Variants in PVALB observed in about 807,000 individuals in gnomAD.
The protein encoded by PVALB is parvalbumin alpha.
In PVALB, 11 loss-of-function variants were observed where a neutral mutation model predicts 10.9. The observed-to-expected ratio is 1.01, with a 90% confidence interval of 0.63 to 1.67. The LOEUF (loss-of-function observed/expected upper bound fraction) is 1.67, where lower values mean the gene tolerates loss of function less well. PVALB is among the 40% of genes most tolerant of loss of function. The pLI, the probability that PVALB is intolerant of heterozygous loss-of-function variation, is 0.00. For missense variants in PVALB, 131 were observed against 136.2 expected (o/e 0.96, Z 0.19); for synonymous variants, 57 against 50.7 (o/e 1.12, Z -0.53).
intron 3 of PVALB, among the ~76,000 whole-genome samples, chr22:36,805,933 T>A (rs77059308): frequency 6.6e-6 from 1 of 152,138 alleles, no homozygotes; most frequent in Non-Finnish European, 1.5e-5. Context: ...GACCCATCTA[T>A]CCCATCAGAG....
At chr22:36,813,819 G>T in intron 2 of PVALB, 64 bp from the exon 3 acceptor site, 1 of 1,242,982 alleles carries the variant, frequency 8.0e-7, no homozygotes, top group Non-Finnish European at 1.2e-6. Context: ...CAGGACGCTG[G>T]ATGGAGGGTG....
At chr22:36,811,198 A>C (rs910996143) in intron 3 of PVALB, among the ~76,000 whole-genome samples, 1 of 152,160 alleles carries the variant, frequency 6.6e-6, no homozygotes, top group African/African-American at 2.4e-5. Context: ...GAATTGCTTA[A>C]ACCCAGGAGG....
chr22:36,815,593 G>T (rs548905297), intron 1 of PVALB, among the ~76,000 whole-genome samples: 1 of 152,138 alleles, frequency 6.6e-6, no homozygotes, highest in Non-Finnish European at 1.5e-5. Flanking sequence ...AGTGCCAGCT[G>T]GTTGGGAGTG....
upstream of PVALB, chr22:36,819,358 A>G (rs1026912279): frequency 6.6e-6 from 1 of 152,016 alleles, no homozygotes; most frequent in Non-Finnish European, 1.5e-5. Flanking sequence ...GACAGGGGAG[A>G]TGTAGCTCTC....
At chr22:36,808,376 C>T (rs1438467160) in intron 3 of PVALB, among the ~76,000 whole-genome samples, 1 of 150,880 alleles carries the variant, frequency 6.6e-6, no homozygotes, top group African/African-American at 2.5e-5. Context: ...AAGGCCCAGG[C>T]TGGGGACACA....
chr22:36,808,652 T>G (rs921600374), intron 3 of PVALB, among the ~76,000 whole-genome samples: 8 of 152,228 alleles, frequency 5.3e-5, no homozygotes, highest in Non-Finnish European at 8.8e-5. Flanking sequence ...CAGAAACTCC[T>G]GGGGTCTGGC....
At chr22:36,814,704 C>G (rs980770726) in intron 2 of PVALB, among the ~76,000 whole-genome samples, 4 of 152,094 alleles carry the variant, frequency 2.6e-5, no homozygotes, top group African/African-American at 9.7e-5. Context: ...GGGCTGGGGG[C>G]TGCAGGAAGG....
upstream of PVALB, among the ~76,000 whole-genome samples, chr22:36,817,736 G>T (rs1280661443): frequency 1.3e-5 from 2 of 151,978 alleles, no homozygotes; most frequent in African/African-American, 4.8e-5. Context: ...TTTTTTGCTG[G>T]CTTGATTTTT....
At chr22:36,816,882 G>T (rs977395266) in intron 1 of PVALB, 63 bp downstream of exon 1, 6 of 1,408,548 alleles carry the variant, frequency 4.3e-6, no homozygotes, top group African/African-American at 3.0e-5. Context: ...GGGGCCGGCG[G>T]AGTGCAGGGG....
At chr22:36,819,164 G>A (rs1939199163), upstream of PVALB, among the ~76,000 whole-genome samples, 1 of 152,154 alleles carries the variant, frequency 6.6e-6, no homozygotes, top group African/African-American at 2.4e-5. Context: ...TCTGACTCCA[G>A]CCCTCTCGTT....
intron 3 of PVALB, among the ~76,000 whole-genome samples, chr22:36,804,454 A>G (rs1180477228): frequency 1.3e-5 from 2 of 152,224 alleles, no homozygotes. Context: ...GGCAGAGAAC[A>G]CGGAATTCTA....
Position 36,800,822 on chromosome 22 carries a change from G to A in PVALB, c.*68C>T. The A allele has an allele frequency of 2.0e-6, 3 of 1,498,792 alleles. No individual in the cohort carries two copies. The South Asian group carries it at 3.4e-5, about 17-fold the overall frequency. 92.8% of individuals were successfully genotyped at this position (1,498,792 alleles called of 1,614,324 possible). A position where few individuals can be genotyped will look rare whatever the true frequency, so the allele number is the denominator to read the frequency against. On this transcript the variant is annotated 3_prime_UTR_variant, in exon 4 of 4. Coordinates refer to ENST00000417718, the MANE Select transcript of PVALB (RefSeq NM_001315532.2). Reference sequence around the variant, plus strand: ...ACGAACTGAACAGAAATGCAGGAGGGTGGCGAGAGGGGCCGAGATTGGGTG... The same window carrying A: ...ACGAACTGAACAGAAATGCAGGAGGATGGCGAGAGGGGCCGAGATTGGGTG...
At chr22:36,803,021 A>G (rs1938893367) in intron 3 of PVALB, among the ~76,000 whole-genome samples, 1 of 152,212 alleles carries the variant, frequency 6.6e-6, no homozygotes, top group Non-Finnish European at 1.5e-5. Flanking sequence ...TATTAGCAGT[A>G]CTTTTATTAA....
At chr22:36,802,631 G>GAAAGAAAA (rs1938887052) in intron 3 of PVALB, among the ~76,000 whole-genome samples, 1 of 130,044 alleles carries the variant, frequency 7.7e-6, no homozygotes. Context: ...AAAAAAGAAA[G>GAAAGAAAA]AAACAACCTG....
At chr22:36,803,388 C>T (rs1213737695) in intron 3 of PVALB, among the ~76,000 whole-genome samples, 4 of 152,060 alleles carry the variant, frequency 2.6e-5, no homozygotes, top group Admixed American at 2.6e-4. Flanking sequence ...TGTCAGTCTC[C>T]CCCTACTAGA....
intron 3 of PVALB, among the ~76,000 whole-genome samples, chr22:36,807,310 A>G (rs1489962014): frequency 6.6e-6 from 1 of 151,980 alleles, no homozygotes; most frequent in African/African-American, 2.4e-5. Flanking sequence ...AACCTCATTG[A>G]GCTGGTACCA....
intron 3 of PVALB, among the ~76,000 whole-genome samples, chr22:36,807,651 T>C (rs773112678): frequency 1.3e-5 from 2 of 152,148 alleles, no homozygotes; most frequent in Non-Finnish European, 2.9e-5. Context: ...CTGTAAGGTG[T>C]GTATTTTTCT....
At chr22:36,812,840 C>T (rs955027327) in intron 3 of PVALB, among the ~76,000 whole-genome samples, 1 of 152,226 alleles carries the variant, frequency 6.6e-6, no homozygotes, top group Non-Finnish European at 1.5e-5. Flanking sequence ...GGCTAAGCAC[C>T]TTCAAAGTCC....
intron 3 of PVALB, among the ~76,000 whole-genome samples, chr22:36,802,212 A>G (rs1375565070): frequency 6.6e-6 from 1 of 152,154 alleles, no homozygotes; most frequent in Non-Finnish European, 1.5e-5. Context: ...CTGTACTATC[A>G]TTTCAATTCT....
Sources: gnomAD v4.1 joint callset for allele counts (sites outside exome capture counted in the v4.1 genomes callset) on GRCh38, gnomAD v4.1.1 for gene constraint, MANE v1.5 for transcripts, NCBI Gene and HGNC (gene_info 2026-07-23, HGNC 2026-07-21) for gene names.